The following PEX5L variants were observed in gnomAD, a reference collection of about 807,000 sequenced individuals.
PEX5L encodes the protein peroxisomal biogenesis factor 5 like.
PEX5L carries 30 observed loss-of-function variants against 84.0 expected under a neutral mutation model. The ratio of observed to expected loss-of-function variants is 0.36; its 90% CI spans 0.27 to 0.48. The LOEUF is 0.48. PEX5L is among the 20% of genes least tolerant of loss of function. The pLI is 0.99. For synonymous variants in PEX5L, 270 were observed against 283.1 expected (o/e 0.95, Z 0.46); for missense variants, 533 against 754.6 (o/e 0.71, Z 3.44).
At position 179,937,731 on chromosome 3, in the gene PEX5L, T is replaced by C. The variant is rs141892613; in HGVS notation, c.93+33863A>G. ...TTTTCTGAGTACCTGCTTGTAAGGA[T>C]TTGGTAACTCTGGAACCTTAGTTCA... On this transcript the variant is annotated intron_variant, in intron 2 of 14. Transcript: ENST00000467460. 7.9e-4 allele frequency among the ~76,000 whole-genome samples: 121 copies of C among 152,244 alleles called. 2 individuals carry two copies. In the Middle Eastern group the frequency reaches 0.044, roughly 56 times the overall value.
At chr3:179,966,330 T>C (rs1783331231) in intron 2 of PEX5L, among the ~76,000 whole-genome samples, 1 of 152,144 alleles carries the variant, frequency 6.6e-6, no homozygotes, top group East Asian at 1.9e-4. Context: ...AGGGACAGTG[T>C]TACACCTAAT....
intron 7 of PEX5L, among the ~76,000 whole-genome samples, chr3:179,872,577 G>A (rs1320836181): frequency 6.6e-6 from 1 of 152,152 alleles, no homozygotes; most frequent in Admixed American, 6.5e-5. Context: ...TAAGAGGAAG[G>A]ACAGTTTGGT....
At chr3:179,859,805 T>C (rs1470550209) in intron 7 of PEX5L, among the ~76,000 whole-genome samples, 1 of 152,238 alleles carries the variant, frequency 6.6e-6, no homozygotes, top group Non-Finnish European at 1.5e-5. Context: ...ATAGGCAATG[T>C]AATATTTACA....
intron 8 of PEX5L, among the ~76,000 whole-genome samples, chr3:179,830,006 A>G (rs1368978886): frequency 1.5e-5 from 2 of 133,184 alleles, no homozygotes; most frequent in Admixed American, 8.7e-5. Context: ...CATGTTGGCC[A>G]GGCTGATTTC....
intron 8 of PEX5L, among the ~76,000 whole-genome samples, chr3:179,833,411 C>T (rs114054935): frequency 1.0e-3 from 152 of 152,312 alleles, no homozygotes; most frequent in African/African-American, 3.6e-3. Context: ...CTTACTCTTG[C>T]ACACTTTTCA....
At chr3:179,862,157 C>T (rs1187086157) in intron 7 of PEX5L, among the ~76,000 whole-genome samples, 1 of 152,214 alleles carries the variant, frequency 6.6e-6, no homozygotes, top group Non-Finnish European at 1.5e-5. Context: ...GACTGCGTCA[C>T]TCCATGTTGC....
intron 8 of PEX5L, among the ~76,000 whole-genome samples, chr3:179,826,858 T>C (rs1730695686): frequency 6.6e-6 from 1 of 152,204 alleles, no homozygotes; most frequent in Non-Finnish European, 1.5e-5. Context: ...CATTGCATTA[T>C]GAAAATATTT....
rs1205628739 is a variant in PEX5L at position 179,936,988 on chromosome 3, T to C, written c.93+34606A>G. Among the ~76,000 whole-genome samples, 4 of 36,590 alleles carry C rather than the reference T, an allele frequency of 1.1e-4. 1 individual carries two copies. Among genetic ancestry groups the C allele is most frequent in the Admixed American group, 2.2e-4 (1 of 4,458 alleles). 24.0% of individuals were successfully genotyped at this position (36,590 alleles called of 152,430 possible). A position where few individuals can be genotyped will look rare whatever the true frequency, so the allele number is the denominator to read the frequency against. On this transcript the variant is annotated intron_variant, in intron 2 of 14. Coordinates refer to ENST00000467460, the MANE Select transcript of PEX5L (RefSeq NM_016559.3). ...AAAACTATTACTAAACTGAGTGAGG[T>C]TGGTGAATTATCTTGTACTAAAACA...
chr3:179,845,741 G>A (rs1296386140), intron 8 of PEX5L, among the ~76,000 whole-genome samples: 1 of 152,114 alleles, frequency 6.6e-6, no homozygotes, highest in African/African-American at 2.4e-5. Context: ...AACATCTCTG[G>A]ATTTCAGCCC....
At chr3:179,897,797 TG>T (rs1251166739) in intron 3 of PEX5L, among the ~76,000 whole-genome samples, 1 of 152,168 alleles carries the variant, frequency 6.6e-6, no homozygotes, top group African/African-American at 2.4e-5. Flanking sequence ...GATTTTTTTT[TG>T]TTCAAATGTA....
At chr3:179,838,912 G>A (rs1440547967) in intron 8 of PEX5L, among the ~76,000 whole-genome samples, 2 of 151,930 alleles carry the variant, frequency 1.3e-5, no homozygotes, top group Non-Finnish European at 1.5e-5. Context: ...TCCAATGACA[G>A]GCTTTTAAGG....
At chr3:179,944,567 C>T (rs1163344345) in intron 2 of PEX5L, among the ~76,000 whole-genome samples, 2 of 152,214 alleles carry the variant, frequency 1.3e-5, no homozygotes, top group African/African-American at 4.8e-5. Context: ...CATTCTCATC[C>T]CTTCCTTTTC....
chr3:179,871,392 C>T (rs1052028934), intron 7 of PEX5L, among the ~76,000 whole-genome samples: 6 of 152,074 alleles, frequency 3.9e-5, no homozygotes, highest in African/African-American at 1.4e-4. Context: ...CGTGAGCCAC[C>T]ACACCTGGCC....
chr3:180,000,591 G>A (rs1298071030), intron 1 of PEX5L, among the ~76,000 whole-genome samples: 3 of 152,138 alleles, frequency 2.0e-5, no homozygotes, highest in African/African-American at 4.8e-5. Flanking sequence ...CTATGACCAC[G>A]TGACTAGCTG....
intron 1 of PEX5L, among the ~76,000 whole-genome samples, chr3:180,020,477 T>C (rs891988892): frequency 9.9e-5 from 15 of 152,280 alleles, no homozygotes; most frequent in African/African-American, 3.6e-4. Context: ...CTCAAAATGT[T>C]AATTTATTAA....
At chr3:179,866,752 C>T (rs542957105) in intron 7 of PEX5L, among the ~76,000 whole-genome samples, 94 of 151,986 alleles carry the variant, frequency 6.2e-4, no homozygotes, top group African/African-American at 2.2e-3. Flanking sequence ...CGGCCGGGCA[C>T]GGTGGCTCAC....
chr3:179,940,608 T>C (rs1775823822), intron 2 of PEX5L, among the ~76,000 whole-genome samples: 1 of 152,144 alleles, frequency 6.6e-6, no homozygotes, highest in South Asian at 2.1e-4. Flanking sequence ...TCCAGTTATA[T>C]ACTGGACATA....
intron 1 of PEX5L, among the ~76,000 whole-genome samples, chr3:180,003,869 G>A (rs1788637379): frequency 6.6e-6 from 1 of 152,160 alleles, no homozygotes; most frequent in African/African-American, 2.4e-5. Flanking sequence ...AATAAGTGAA[G>A]GGAATTCACA....
intron 1 of PEX5L, among the ~76,000 whole-genome samples, chr3:179,983,684 C>A (rs566442666): frequency 2.0e-5 from 3 of 151,764 alleles, no homozygotes; most frequent in Non-Finnish European, 2.9e-5. Context: ...GGCTTTTTTT[C>A]TTTTTTCCTG....
Sources: allele counts gnomAD v4.1 joint callset (sites outside exome capture counted in the v4.1 genomes callset), GRCh38; gene constraint gnomAD v4.1.1; transcripts MANE v1.5; gene names NCBI Gene and HGNC (gene_info 2026-07-23, HGNC 2026-07-21).